The following RNF182 variants were observed in gnomAD, a reference collection of about 807,000 sequenced individuals.
The protein encoded by RNF182 is E3 ubiquitin-protein ligase RNF182.
In RNF182, 15 loss-of-function variants were observed where a neutral mutation model predicts 14.4. The ratio of observed to expected loss-of-function variants is 1.04; its 90% confidence interval spans 0.70 to 1.60. RNF182 has a LOEUF of 1.60. RNF182 is among the 40% of genes most tolerant of loss of function. The probability of loss-of-function intolerance (pLI) is 0.00; values close to 1 mark genes in which losing one functional copy is unlikely to be tolerated. For missense variants in RNF182, 268 were observed against 294.8 expected (o/e 0.91, Z 0.67); for synonymous variants, 128 against 122.9 (o/e 1.04, Z -0.27).
At position 13,979,155 on chromosome 6, in the gene RNF182, C is replaced by A. The variant is rs1199142589; in HGVS notation, c.*1292C>A. 1 of 166,956 alleles carries A rather than the reference C, an allele frequency of 6.0e-6. No homozygotes were observed. The highest frequency in any genetic ancestry group is 2.4e-5 in the African/African-American group (1 of 41,402). The allele number at this position is 166,956 out of a possible 1,614,324, so 10.3% of individuals were successfully genotyped here. A position where few individuals can be genotyped will look rare whatever the true frequency, so the allele number is the denominator to read the frequency against. On this transcript the variant is annotated 3_prime_UTR_variant, in exon 3 of 3. Coordinates refer to ENST00000488300, the MANE Select transcript of RNF182 (RefSeq NM_152737.4). ...TTACACAATTTATTTTGAATACAAG[C>A]ATAATCTAGGTGATTTGAGTTAATG...
At chr6:13,925,913 T>G (rs1456330274) in intron 1 of RNF182, among the ~76,000 whole-genome samples, 3 of 152,150 alleles carry the variant, frequency 2.0e-5, no homozygotes, top group Non-Finnish European at 2.9e-5. Flanking sequence ...TTGCAATCAT[T>G]TCGTGATAGT....
At chr6:13,948,984 AT>A (rs1165729764) in intron 1 of RNF182, 1 of 388,478 alleles carries the variant, frequency 2.6e-6, no homozygotes, top group Admixed American at 4.1e-5. Context: ...GTCAAATCCA[AT>A]TTTTAATAAA....
At chr6:13,926,225 G>T (rs150788378) in intron 1 of RNF182, among the ~76,000 whole-genome samples, 62 of 152,298 alleles carry the variant, frequency 4.1e-4, no homozygotes, top group Non-Finnish European at 8.2e-4. Flanking sequence ...TGGAATGCAA[G>T]AAATTATATT....
chr6:13,948,244 T>C (rs979920288), intron 1 of RNF182, among the ~76,000 whole-genome samples: 1 of 152,176 alleles, frequency 6.6e-6, no homozygotes, highest in African/African-American at 2.4e-5. Context: ...ATAAGAGTAC[T>C]TGTCAGAGTC....
At chr6:13,930,087 C>A (rs1758928061) in intron 1 of RNF182, among the ~76,000 whole-genome samples, 1 of 151,762 alleles carries the variant, frequency 6.6e-6, no homozygotes, top group East Asian at 1.9e-4. Context: ...TCTGCAGATT[C>A]TATCAATTAT....
At chr6:13,966,613 A>G (rs1373302601) in intron 1 of RNF182, among the ~76,000 whole-genome samples, 4 of 151,924 alleles carry the variant, frequency 2.6e-5, no homozygotes, top group Non-Finnish European at 5.9e-5. Context: ...AAATACAAAA[A>G]TTAGCTAAGC....
At chr6:13,960,692 T>TGTGTGTGTGTGCGCGCGCGC (rs367625022) in intron 1 of RNF182, among the ~76,000 whole-genome samples, 4 of 137,694 alleles carry the variant, frequency 2.9e-5, no homozygotes, top group African/African-American at 1.0e-4. Context: ...TGTGTGTGTG[T>TGTGTGTGTGTGCGCGCGCGC]GCGCGCGTGC....
At chr6:13,945,887 G>A (rs1759426804) in intron 1 of RNF182, among the ~76,000 whole-genome samples, 1 of 152,076 alleles carries the variant, frequency 6.6e-6, no homozygotes, top group South Asian at 2.1e-4. Flanking sequence ...AATTTGAGGT[G>A]AGTCCACAGA....
chr6:13,929,426 A>G (rs1351530539), intron 1 of RNF182, among the ~76,000 whole-genome samples: 1 of 152,070 alleles, frequency 6.6e-6, no homozygotes, highest in Non-Finnish European at 1.5e-5. Flanking sequence ...TGTTTATTCA[A>G]ACTCTTGAAT....
At chr6:13,935,239 TATTTATGTGATCGATTG>T (rs1759078257) in intron 1 of RNF182, among the ~76,000 whole-genome samples, 1 of 152,190 alleles carries the variant, frequency 6.6e-6, no homozygotes, top group African/African-American at 2.4e-5. Flanking sequence ...ATTTTACATT[TATTTATGTGATCGATTG>T]ATACCATCGT....
chr6:13,960,507 C>T (rs1183154092), intron 1 of RNF182, among the ~76,000 whole-genome samples: 1 of 152,096 alleles, frequency 6.6e-6, no homozygotes, highest in Non-Finnish European at 1.5e-5. Context: ...AACAAAAAAC[C>T]AAACCCAACT....
At chr6:13,944,705 T>G (rs1270389942) in intron 1 of RNF182, among the ~76,000 whole-genome samples, 1 of 152,196 alleles carries the variant, frequency 6.6e-6, no homozygotes, top group Non-Finnish European at 1.5e-5. Context: ...TTGTACTTAA[T>G]CCTTTCAATA....
At chr6:13,972,119 T>G (rs1760200900) in intron 1 of RNF182, among the ~76,000 whole-genome samples, 1 of 150,744 alleles carries the variant, frequency 6.6e-6, no homozygotes, top group Non-Finnish European at 1.5e-5. Flanking sequence ...GCTAACACGG[T>G]GAAACCCCGT....
At chr6:13,928,034 A>G (rs114789438) in intron 1 of RNF182, among the ~76,000 whole-genome samples, 305 of 152,300 alleles carry the variant, frequency 2.0e-3, no homozygotes, top group African/African-American at 7.1e-3. Context: ...GGTCATGGTG[A>G]TAGGTTGTGG....
chr6:13,958,883 C>T (rs924194010), intron 1 of RNF182, among the ~76,000 whole-genome samples: 2 of 152,154 alleles, frequency 1.3e-5, no homozygotes, highest in African/African-American at 4.8e-5. Flanking sequence ...CTAGATCTCT[C>T]ATGAATAGAT....
chr6:13,953,516 CAG>C (rs924054007), intron 1 of RNF182, among the ~76,000 whole-genome samples: 2 of 152,014 alleles, frequency 1.3e-5, no homozygotes, highest in African/African-American at 2.4e-5. Context: ...ATGCAGGGAA[CAG>C]AGTGGAGGAA....
rs1320392343 is a variant in RNF182, at chr6:13,977,127, G to A, written c.8G>A (p.Ser3Asn). 6.2e-7 allele frequency: 1 copy of A among 1,611,012 alleles called. No homozygotes were observed. Among genetic ancestry groups the A allele is most frequent in the South Asian group, 1.1e-5 (1 of 90,802 alleles). MA[S>N]QPPEDTAESQ... ...TTGCACACATAATTCAAGATGGCCA[G>A]TCAACCTCCTGAAGACACTGCGGAG... The change falls in exon 3 of 3, where the codon AGT (serine) becomes AAT (asparagine). Residue 3 changes from serine (S) to asparagine (N), a missense_variant. Ser to Asn is a conservative substitution (Grantham distance 46). Coordinates refer to ENST00000488300, the MANE Select transcript of RNF182 (RefSeq NM_152737.4).
intron 1 of RNF182, among the ~76,000 whole-genome samples, chr6:13,969,387 G>A (rs963638239): frequency 6.6e-6 from 1 of 152,084 alleles, no homozygotes; most frequent in African/African-American, 2.4e-5. Context: ...TGGAGTATGT[G>A]ATCAGCCAGG....
At chr6:13,949,855 T>C (rs1759541321) in intron 1 of RNF182, among the ~76,000 whole-genome samples, 1 of 152,178 alleles carries the variant, frequency 6.6e-6, no homozygotes, top group African/African-American at 2.4e-5. Context: ...ATCAGTGCTC[T>C]AAGAAAACCC....
Sources: gnomAD v4.1 joint callset for allele counts (sites outside exome capture counted in the v4.1 genomes callset) on GRCh38, gnomAD v4.1.1 for gene constraint, MANE v1.5 for transcripts, NCBI Gene and HGNC (gene_info 2026-07-23, HGNC 2026-07-21) for gene names.